ROBO2: variants seen among roughly 807,000 people sequenced by gnomAD.
ROBO2 encodes roundabout homolog 2.
ROBO2 carries 53 observed loss-of-function variants against 160.8 expected under a neutral mutation model. That is an observed-to-expected ratio of 0.33 (90% CI 0.26 to 0.41). The LOEUF (loss-of-function observed/expected upper bound fraction) is 0.41. Ranked by LOEUF, ROBO2 falls within the 10% of genes least tolerant of loss-of-function variation. The probability of loss-of-function intolerance (pLI) is 1.00; values close to 1 mark genes in which losing one functional copy is unlikely to be tolerated. For missense variants in ROBO2, 1,577 were observed against 1,722.4 expected (o/e 0.92, Z 1.49); for synonymous variants, 664 against 611.7 (o/e 1.09, Z -1.26).
chr3:77,198,444 G>T lies in ROBO2; in HGVS notation c.388+100104G>T, dbSNP rs189318388. 2.6e-4 allele frequency among the ~76,000 whole-genome samples: 39 copies of T among 152,210 alleles called. 1 individual carries two copies. Among genetic ancestry groups the T allele is most frequent in the Admixed American group, 1.2e-3 (19 of 15,286 alleles). ...GGCTGATTTAAAGCAATGAAAGAAG[G>T]TCCGGTGGCTGGAGAGCAGTGAACA... On this transcript the variant is annotated intron_variant, in intron 2 of 25. Transcript: ENST00000461745.
At chr3:77,607,811 A>C (rs200209015) in exon 21 of ROBO2, 2 of 1,613,776 alleles carry the variant, frequency 1.2e-6, no homozygotes, top group Non-Finnish European at 1.7e-6. Context: ...GGAAAGGTGG[A>C]AAAAAGAAGA....
chr3:76,531,620 CTTT>C (rs74266991), intron 2 of ROBO2, among the ~76,000 whole-genome samples: 4 of 121,840 alleles, frequency 3.3e-5, no homozygotes, highest in Non-Finnish European at 5.3e-5. Context: ...TGTACAGTTT[CTTT>C]TTTTTTTTTT....
At chr3:77,546,356 T>C in exon 7 of ROBO2, 1 of 1,613,244 alleles carries the variant, frequency 6.2e-7, no homozygotes, top group Non-Finnish European at 8.5e-7. Context: ...CAGTTTGTGG[T>C]TCGGCCAAGA....
chr3:76,191,919 T>C (rs1230013741), intron 2 of ROBO2, among the ~76,000 whole-genome samples: 1 of 152,086 alleles, frequency 6.6e-6, no homozygotes, highest in African/African-American at 2.4e-5. Context: ...ACTCTTTCCC[T>C]ATTTTGCTTG....
At chr3:77,123,966 AATCT>A (rs1028397047) in intron 2 of ROBO2, among the ~76,000 whole-genome samples, 18 of 149,236 alleles carry the variant, frequency 1.2e-4, no homozygotes, top group African/African-American at 4.0e-4. Flanking sequence ...ATATGTAGAT[AATCT>A]ATCTATATAG....
At chr3:76,277,706 G>T (rs1708008254) in intron 2 of ROBO2, among the ~76,000 whole-genome samples, 1 of 151,882 alleles carries the variant, frequency 6.6e-6, no homozygotes, top group South Asian at 2.1e-4. Flanking sequence ...ATAGAAAGAT[G>T]CTCCTTGCCT....
chr3:76,757,505 T>C (rs2061043098), intron 2 of ROBO2, among the ~76,000 whole-genome samples: 1 of 151,818 alleles, frequency 6.6e-6, no homozygotes, highest in Non-Finnish European at 1.5e-5. Context: ...GTGGGGTTGT[T>C]GGCCCTGACC....
chr3:77,609,052 A>G (rs2094576978), intron 21 of ROBO2, among the ~76,000 whole-genome samples: 1 of 151,566 alleles, frequency 6.6e-6, no homozygotes, highest in Non-Finnish European at 1.5e-5. Context: ...TTTTTTATAA[A>G]ATAAAATATA....
At chr3:77,184,611 A>G (rs2081112091) in intron 2 of ROBO2, among the ~76,000 whole-genome samples, 1 of 151,966 alleles carries the variant, frequency 6.6e-6, no homozygotes, top group African/African-American at 2.4e-5. Flanking sequence ...AAGAGAGAAA[A>G]TTTCAGGATG....
chr3:77,547,643 A>G (rs2153650471), intron 7 of ROBO2, among the ~76,000 whole-genome samples: 1 of 152,142 alleles, frequency 6.6e-6, no homozygotes, highest in Admixed American at 6.6e-5. Context: ...AGCAGTTCTA[A>G]CAGCTCAGTC....
intron 2 of ROBO2, among the ~76,000 whole-genome samples, chr3:77,438,382 T>G (rs2153550003): frequency 6.6e-6 from 1 of 151,828 alleles, no homozygotes; most frequent in Non-Finnish European, 1.5e-5. Context: ...TGAAACTGAG[T>G]TTTACCAGGA....
intron 2 of ROBO2, among the ~76,000 whole-genome samples, chr3:76,106,395 A>G (rs1206175997): frequency 1.3e-5 from 2 of 152,186 alleles, no homozygotes; most frequent in Admixed American, 6.6e-5. Context: ...CGCACTGTGC[A>G]TTAATTCAAA....
At chr3:76,747,649 G>GT (rs2093915443) in intron 2 of ROBO2, among the ~76,000 whole-genome samples, 1 of 151,384 alleles carries the variant, frequency 6.6e-6, no homozygotes, top group Non-Finnish European at 1.5e-5. Context: ...TATTTCTTTG[G>GT]TTTTTTTAAT....
At chr3:77,570,578 G>C (rs948537722) in intron 13 of ROBO2, among the ~76,000 whole-genome samples, 1 of 151,540 alleles carries the variant, frequency 6.6e-6, no homozygotes, top group South Asian at 2.1e-4. Context: ...TTAATATCAC[G>C]GCATATTGTT....
intron 2 of ROBO2, among the ~76,000 whole-genome samples, chr3:77,171,950 G>T (rs1400975341): frequency 6.6e-6 from 1 of 152,166 alleles, no homozygotes; most frequent in Non-Finnish European, 1.5e-5. Flanking sequence ...TTCTCAGCAA[G>T]AGACTATTCT....
intron 2 of ROBO2, among the ~76,000 whole-genome samples, chr3:76,765,083 T>C (rs1192890434): frequency 4.0e-5 from 6 of 151,674 alleles, no homozygotes; most frequent in Admixed American, 4.0e-4. Flanking sequence ...CTCTGCAGTC[T>C]CTAATGTCTA....
chr3:77,020,687 A>G lies in ROBO2; in HGVS notation c.110-77327A>G, dbSNP rs374133280. Among the ~76,000 whole-genome samples the G allele has an allele frequency of 2.4e-3, 359 of 152,136 alleles. 4 individuals are homozygous for G. Among genetic ancestry groups the G allele is most frequent in the Middle Eastern group, 0.01 (3 of 294 alleles). On this transcript the variant is annotated intron_variant, in intron 2 of 26. Coordinates refer to the ROBO2 transcript ENST00000487694. ...CAGTTTAATAACATTAGAAAGCTTTATTTTTCAGCATTAAGTGGAAAAAGG... is the reference window on the plus strand; with the variant it reads ...CAGTTTAATAACATTAGAAAGCTTTGTTTTTCAGCATTAAGTGGAAAAAGG...
At chr3:75,907,662 A>G (rs569859400) in intron 1 of ROBO2, among the ~76,000 whole-genome samples, 1 of 152,318 alleles carries the variant, frequency 6.6e-6, no homozygotes, top group Admixed American at 6.5e-5. Flanking sequence ...CTGACAGGAA[A>G]TATTTCTTTT....
chr3:76,888,800 A>T (rs2074114832), intron 2 of ROBO2, among the ~76,000 whole-genome samples: 1 of 152,330 alleles, frequency 6.6e-6, no homozygotes, highest in African/African-American at 2.4e-5. Context: ...TTATTGGCTC[A>T]GTTTGTAGTG....
Sources: allele counts gnomAD v4.1 joint callset (sites outside exome capture counted in the v4.1 genomes callset), GRCh38; gene constraint gnomAD v4.1.1; transcripts MANE v1.5; gene names NCBI Gene and HGNC (gene_info 2026-07-23, HGNC 2026-07-21).